The following FAIM variants were observed in gnomAD, a reference collection of about 807,000 sequenced individuals.
FAIM encodes fas apoptotic inhibitory molecule 1.
Under a neutral mutation model 21.2 loss-of-function variants are expected in FAIM, and 14 were observed. That is an observed-to-expected ratio of 0.66 (90% confidence interval 0.44 to 1.03). FAIM has a LOEUF of 1.03. Among genes scored for constraint, FAIM ranks in the 50% least tolerant of loss-of-function variants. The pLI is 0.00. For synonymous variants in FAIM, 86 were observed against 80.4 expected (o/e 1.07, Z -0.37); for missense variants, 222 against 247.1 (o/e 0.90, Z 0.68).
At chr3:138,630,636 T>G (rs2042995632) in intron 5 of FAIM, 2 of 152,194 alleles carry the variant, frequency 1.3e-5, no homozygotes, top group Non-Finnish European at 1.5e-5. Flanking sequence ...CAGTATTTTA[T>G]GGCCCCCTTT....
rs182425993 is a variant in FAIM at position 138,628,762 on chromosome 3, C to T, written c.407-345C>T. The stretch of plus-strand genomic sequence containing the variant: ...TCTCCCAAAGTGCTGGGATTACAGG[C>T]GTGAGCCACCGCGCCCGGCCTGTAT... On this transcript the variant is annotated intron_variant, in intron 4 of 5. Coordinates refer to ENST00000360570, the MANE Select transcript of FAIM (RefSeq NM_001033031.2). Among the ~76,000 whole-genome samples the T allele has an allele frequency of 3.2e-3, 480 of 152,236 alleles. 4 individuals are homozygous for T. Among genetic ancestry groups the T allele is most frequent in the Non-Finnish European group, 5.2e-3 (351 of 68,004 alleles).
chr3:138,612,713 G>A (rs1254218285), intron 1 of FAIM, among the ~76,000 whole-genome samples: 3 of 152,154 alleles, frequency 2.0e-5, no homozygotes, highest in Admixed American at 2.0e-4. Flanking sequence ...AGAATTGCTA[G>A]GTCATATAGT....
At chr3:138,623,974 T>C (rs1316007274) in intron 4 of FAIM, among the ~76,000 whole-genome samples, 1 of 152,210 alleles carries the variant, frequency 6.6e-6, no homozygotes, top group East Asian at 1.9e-4. Flanking sequence ...AAACCCTTAT[T>C]CCAGTAGCTT....
chr3:138,633,076 T>G lies in FAIM; in HGVS notation c.603T>G (p.Ser201Arg). Reference sequence around the variant, plus strand: ...ATAGAGAAATCCCAGAGATTGCAAGTTAATGAATTTTCATCTTAAGAAGTA... The same window carrying G: ...ATAGAGAAATCCCAGAGATTGCAAGGTAATGAATTTTCATCTTAAGAAGTA... Reference protein sequence around the residue: ...VDNREIPEIAS With the variant: ...VDNREIPEIAR The change falls in exon 6 of 6, where the codon AGT becomes AGG. Residue 201 changes from serine (S) to arginine (R), a missense_variant. Ser to Arg is a moderately radical substitution (Grantham distance 110). Transcript: ENST00000360570. The G allele has an allele frequency of 6.2e-7, 1 of 1,611,690 alleles. No individual in the cohort carries two copies. The highest frequency in any genetic ancestry group is 8.5e-7 in the Non-Finnish European group (1 of 1,179,128).
chr3:138,614,221 CTT>C (rs2042801847), intron 1 of FAIM, among the ~76,000 whole-genome samples: 2 of 152,110 alleles, frequency 1.3e-5, no homozygotes, highest in Non-Finnish European at 2.9e-5. Flanking sequence ...GGGAGGATCA[CTT>C]GAGTTCAGGA....
At chr3:138,623,439 C>T (rs997803730) in intron 4 of FAIM, among the ~76,000 whole-genome samples, 1 of 152,156 alleles carries the variant, frequency 6.6e-6, no homozygotes, top group African/African-American at 2.4e-5. Flanking sequence ...GAACATGGCT[C>T]ACTGCAGCCT....
In FAIM at chr3:138,628,465, T is replaced by TTTTATTTA. The variant is rs58887564; in HGVS notation, c.407-614_407-607dup. Among the ~76,000 whole-genome samples, 716 of 149,178 alleles carry TTTTATTTA rather than the reference T, an allele frequency of 4.8e-3. 6 individuals carry two copies. The highest frequency in any genetic ancestry group is 0.014 in the African/African-American group (552 of 39,778). On this transcript the variant is annotated intron_variant, in intron 4 of 5. Coordinates refer to ENST00000360570, the MANE Select transcript of FAIM (RefSeq NM_001033031.2). ...ACATTCATCTGTATGCATCCTTCTTTTTTATTTATTTATTTATTTATTTAT... is the reference window on the plus strand; with the variant it reads ...ACATTCATCTGTATGCATCCTTCTTTTTTATTTATTTATTTATTTATTTATTTATTTAT...
intron 5 of FAIM, among the ~76,000 whole-genome samples, chr3:138,632,209 A>G (rs776443419): frequency 7.9e-5 from 12 of 151,042 alleles, no homozygotes; most frequent in Admixed American, 6.0e-4. Flanking sequence ...ATTTGAAAAA[A>G]TTTTAGGTGA....
chr3:138,621,222 TAAAG>T (rs765961241), intron 2 of FAIM, 181 bp from the exon 3 acceptor site: 6 of 613,920 alleles, frequency 9.8e-6, no homozygotes, highest in African/African-American at 1.9e-5. Context: ...AGTTGTATCT[TAAAG>T]GAAGAGTGAA....
intron 1 of FAIM, chr3:138,610,855 T>G: frequency 2.2e-6 from 2 of 927,104 alleles, no homozygotes; most frequent in Non-Finnish European, 3.5e-6. Context: ...AGTGCTGGGA[T>G]TACGGGGTGT....
At chr3:138,609,413 G>A (rs748724970) in intron 1 of FAIM, among the ~76,000 whole-genome samples, 88 of 152,098 alleles carry the variant, frequency 5.8e-4, no homozygotes, top group Non-Finnish European at 1.2e-3. Context: ...CAAAGCAGCC[G>A]TGCCGCTGCT....
chr3:138,625,352 A>G (rs2108351293), intron 4 of FAIM, among the ~76,000 whole-genome samples: 1 of 151,946 alleles, frequency 6.6e-6, no homozygotes, highest in East Asian at 1.9e-4. Context: ...AATCCCAGCT[A>G]CTCGGGAGGC....
chr3:138,632,990 A>C lies in FAIM; in HGVS notation c.517A>C (p.Ile173Leu), dbSNP rs2108361813. Residue 173 changes from isoleucine (I) to leucine (L), a missense_variant, in exon 6 of 6, where the codon ATA becomes CTA. Transcript: ENST00000360570. Reference protein sequence around the residue: ...HFSIGNHDCYIKAVSSGKRKE... With the variant: ...HFSIGNHDCYLKAVSSGKRKE... ...CAGTATCGGGAACCATGACTGTTAC[A>C]TAAAGGCTGTCAGTAGTGGGAAGCG... 1 of 1,613,954 alleles carries C rather than the reference A, an allele frequency of 6.2e-7. No homozygotes were observed.
In FAIM at chr3:138,630,967, TCTC is replaced by T. The variant is rs1214858322; in HGVS notation, c.456+1812_456+1814del. 2.6e-5 allele frequency: 4 copies of T among 151,880 alleles called. No individual in the cohort carries two copies. In the East Asian group the frequency reaches 7.8e-4, roughly 29 times the overall value. The allele number at this position is 151,880 out of a possible 1,614,324, so 9.4% of individuals were successfully genotyped here. On this transcript the variant is annotated intron_variant, in intron 5 of 5. Coordinates refer to ENST00000360570, the MANE Select transcript of FAIM (RefSeq NM_001033031.2). ...AGTCTGGGTGACATGGCGAAACCCC[TCTC>T]TACTAAAAATACAAAAATTAATAGA...
At chr3:138,609,588 T>C (rs1408793717) in intron 1 of FAIM, among the ~76,000 whole-genome samples, 47 of 30,618 alleles carry the variant, frequency 1.5e-3, no homozygotes, top group East Asian at 7.6e-3. Context: ...ACTCTCTCTC[T>C]CTCGACTCTC....
intron 1 of FAIM, 57 bp from the exon 2 acceptor site, chr3:138,619,654 A>T (rs571505482): frequency 1.3e-6 from 2 of 1,515,462 alleles, no homozygotes; most frequent in South Asian, 2.3e-5. Context: ...TGTTGCTTTC[A>T]ATCTTTCTTT....
At chr3:138,630,502 TTTTCTG>T (rs533492308) in intron 5 of FAIM, 2 of 152,170 alleles carry the variant, frequency 1.3e-5, no homozygotes, top group Non-Finnish European at 2.9e-5. Flanking sequence ...AGATGAATGC[TTTTCTG>T]TTTCTGAGTC....
intron 5 of FAIM, 40 bp from the exon 6 acceptor site, chr3:138,632,890 G>C: frequency 6.3e-7 from 1 of 1,599,476 alleles, no homozygotes; most frequent in Non-Finnish European, 8.5e-7. Flanking sequence ...AGAGATAAAA[G>C]TTTCTGCACC....
chr3:138,628,365 G>A (rs1560499799), intron 4 of FAIM, among the ~76,000 whole-genome samples: 1 of 152,272 alleles, frequency 6.6e-6, no homozygotes, highest in East Asian at 1.9e-4. Context: ...CCATCACCCA[G>A]TTGGGTGAGT....
Sources: gnomAD v4.1 joint callset for allele counts (sites outside exome capture counted in the v4.1 genomes callset) on GRCh38, gnomAD v4.1.1 for gene constraint, MANE v1.5 for transcripts, NCBI Gene and HGNC (gene_info 2026-07-23, HGNC 2026-07-21) for gene names.